Variants in CDC123 observed in about 807,000 individuals in gnomAD.
The protein encoded by CDC123 is cell division cycle 123.
CDC123 carries 37 observed loss-of-function variants against 54.4 expected under a neutral mutation model. The observed-to-expected ratio is 0.68, with a 90% CI of 0.52 to 0.89. The LOEUF (loss-of-function observed/expected upper bound fraction) is 0.89. Ranked by LOEUF, CDC123 falls within the 40% of genes least tolerant of loss-of-function variation. The pLI, the probability that CDC123 is intolerant of heterozygous loss-of-function variation, is 0.00. For missense variants in CDC123, 361 were observed against 412.1 expected (o/e 0.88, Z 1.07); for synonymous variants, 144 against 136.8 (o/e 1.05, Z -0.37).
intron 1 of CDC123, among the ~76,000 whole-genome samples, chr10:12,198,270 A>G (rs1355891002): frequency 1.1e-4 from 17 of 152,220 alleles, no homozygotes; most frequent in Admixed American, 1.0e-3. Flanking sequence ...CAACCCAAGA[A>G]TGGTTTCCAG....
chr10:12,246,600 G>A (rs1428710316), intron 11 of CDC123: 1 of 202,302 alleles, frequency 4.9e-6, no homozygotes, highest in African/African-American at 2.3e-5. Context: ...AGCTGCTGAG[G>A]CCGACAGAGA....
intron 4 of CDC123, among the ~76,000 whole-genome samples, chr10:12,215,100 C>CA (rs1835646888): frequency 6.6e-6 from 1 of 152,110 alleles, no homozygotes. Flanking sequence ...CGGGTCGAAA[C>CA]AAACACAGAA....
intron 12 of CDC123, chr10:12,249,933 GT>G: frequency 1.7e-6 from 1 of 594,836 alleles, no homozygotes; most frequent in Non-Finnish European, 2.7e-6. Context: ...TTTTTATGCT[GT>G]ACATGCCTTT....
chr10:12,200,484 G>A (rs960595601), intron 2 of CDC123, among the ~76,000 whole-genome samples: 17 of 152,010 alleles, frequency 1.1e-4, no homozygotes, highest in African/African-American at 4.1e-4. Context: ...TATATAATAA[G>A]CTTATGTAAA....
intron 10 of CDC123, among the ~76,000 whole-genome samples, chr10:12,240,373 G>A (rs1836040972): frequency 6.6e-6 from 1 of 152,198 alleles, no homozygotes; most frequent in African/African-American, 2.4e-5. Context: ...TCCGTGCTTA[G>A]ATCAGCCTCA....
At chr10:12,227,470 G>T (rs1461361710) in intron 6 of CDC123, among the ~76,000 whole-genome samples, 3 of 151,498 alleles carry the variant, frequency 2.0e-5, no homozygotes, top group Non-Finnish European at 4.4e-5. Context: ...CTCTATACTG[G>T]ATATGTGTAC....
intron 6 of CDC123, among the ~76,000 whole-genome samples, chr10:12,227,115 G>GC (rs1262796623): frequency 1.3e-5 from 2 of 152,144 alleles, no homozygotes; most frequent in Non-Finnish European, 2.9e-5. Context: ...AACCAGTCAG[G>GC]CGTGGCGGCG....
chr10:12,249,550 A>T, intron 11 of CDC123, 31 bp from the exon 12 acceptor site: 1 of 1,597,106 alleles, frequency 6.3e-7, no homozygotes, highest in Non-Finnish European at 8.5e-7. Context: ...TAAATGATTG[A>T]TATTCTTTCT....
Position 12,237,226 on chromosome 10 carries a change from T to C in CDC123, c.648T>C (p.Phe216=), listed in dbSNP as rs769048778. 4 of 1,589,514 alleles carry C rather than the reference T, an allele frequency of 2.5e-6. No individual in the cohort carries two copies. Among genetic ancestry groups the C allele is most frequent in the East Asian group, 2.3e-5 (1 of 43,602 alleles). The stretch of plus-strand genomic sequence containing the variant: ...AAATTCGCAGATGCATACAAGACTT[T>C]TTCAAGAAACACATACAGTACAAAT... The part of the protein sequence containing the change: ...KEEIRRCIQD[F]FKKHIQYKFL... The change falls in exon 9 of 13, where the codon TTT becomes TTC. Residue 216 remains phenylalanine, a synonymous_variant. Transcript: ENST00000281141.
intron 6 of CDC123, among the ~76,000 whole-genome samples, chr10:12,220,753 G>A (rs1040627550): frequency 1.3e-5 from 2 of 152,242 alleles, no homozygotes; most frequent in East Asian, 1.9e-4. Flanking sequence ...CGAGGTGGGC[G>A]GATCATGAGG....
intron 7 of CDC123, 67 bp downstream of exon 7, chr10:12,231,063 GTGAAA>G (rs1181233095): frequency 1.0e-5 from 14 of 1,391,446 alleles, no homozygotes; most frequent in South Asian, 9.0e-5. Context: ...TTATTCTTAA[GTGAAA>G]TGAAATGAAT....
intron 1 of CDC123, among the ~76,000 whole-genome samples, chr10:12,197,902 A>G (rs928471108): frequency 6.6e-6 from 1 of 152,176 alleles, no homozygotes; most frequent in Non-Finnish European, 1.5e-5. Context: ...TCTTCCATAA[A>G]TAAATGAGAC....
At position 12,219,414 on chromosome 10, in the gene CDC123, G is replaced by C. The variant is rs191488289; in HGVS notation, c.440+1947G>C. ...GATGGGGTCTCACTATGTTGCCCAA[G>C]CTGGTCTCAAACTCCTGGTCTCAAG... is the stretch of plus-strand genomic sequence containing the variant. On this transcript the variant is annotated intron_variant, in intron 6 of 12. Transcript: ENST00000281141. 5.8e-4 allele frequency among the ~76,000 whole-genome samples: 89 copies of C among 152,234 alleles called. 1 individual carries two copies. Among genetic ancestry groups the C allele is most frequent in the African/African-American group, 2.0e-3 (83 of 41,542 alleles).
chr10:12,220,263 T>G lies in CDC123; in HGVS notation c.440+2796T>G, dbSNP rs116066095. On this transcript the variant is annotated intron_variant, in intron 6 of 12. Coordinates refer to ENST00000281141, the MANE Select transcript of CDC123 (RefSeq NM_006023.3). ...TTTTTTTTAAATCAGCTTTGCAATT[T>G]AATGATCAGCTGCCTCCTCTTAAGC... Among the ~76,000 whole-genome samples, 815 of 152,374 alleles carry G rather than the reference T, an allele frequency of 5.3e-3. 4 individuals are homozygous for G. The highest frequency in any genetic ancestry group is 0.019 in the African/African-American group (780 of 41,594).
Position 12,226,957 on chromosome 10 carries a change from C to G in CDC123, c.441-3991C>G, listed in dbSNP as rs186899850. 8.7e-3 allele frequency among the ~76,000 whole-genome samples: 1,323 copies of G among 152,242 alleles called. 20 individuals carry two copies. The highest frequency in any genetic ancestry group is 0.029 in the African/African-American group (1,207 of 41,528). On this transcript the variant is annotated intron_variant, in intron 6 of 12. Transcript: ENST00000281141. ...CGAGATCACACCACTGCACTCCAGCCTGGGCAACATTGAGCACTGAGTGAG... is the reference window on the plus strand; with the variant it reads ...CGAGATCACACCACTGCACTCCAGCGTGGGCAACATTGAGCACTGAGTGAG...
intron 2 of CDC123, among the ~76,000 whole-genome samples, chr10:12,199,187 C>CT (rs1835406461): frequency 6.6e-6 from 1 of 152,176 alleles, no homozygotes; most frequent in Admixed American, 6.5e-5. Context: ...TACCGTGGCC[C>CT]CCCCTCCACT....
chr10:12,217,247 A>G, intron 5 of CDC123, 114 bp from the exon 6 acceptor site: 1 of 992,584 alleles, frequency 1.0e-6, no homozygotes, highest in Non-Finnish European at 1.4e-6. Context: ...AATTTACTTG[A>G]CTTTCTTCCT....
At chr10:12,233,352 G>C (rs922870886) in intron 7 of CDC123, among the ~76,000 whole-genome samples, 3 of 150,286 alleles carry the variant, frequency 2.0e-5, no homozygotes, top group African/African-American at 7.3e-5. Flanking sequence ...ATATTCATAG[G>C]ATAAATCTGG....
chr10:12,218,201 A>G (rs1372347605), intron 6 of CDC123, among the ~76,000 whole-genome samples: 2 of 150,730 alleles, frequency 1.3e-5, no homozygotes, highest in African/African-American at 4.9e-5. Flanking sequence ...CTACCTATAT[A>G]CAGATTTTTT....
Sources: gnomAD v4.1 joint callset for allele counts (sites outside exome capture counted in the v4.1 genomes callset) on GRCh38, gnomAD v4.1.1 for gene constraint, MANE v1.5 for transcripts, NCBI Gene and HGNC (gene_info 2026-07-23, HGNC 2026-07-21) for gene names.